CD6: variants seen among roughly 807,000 people sequenced by gnomAD.
The protein encoded by CD6 is T-cell differentiation antigen CD6.
In CD6, 53 loss-of-function variants were observed where a neutral mutation model predicts 75.3. That is an observed-to-expected ratio of 0.70 (90% CI 0.56 to 0.88). The LOEUF is 0.88. CD6 is among the 40% of genes least tolerant of loss of function. The pLI is 0.00. For synonymous variants in CD6, 359 were observed against 381.5 expected, an observed-to-expected ratio of 0.94 and a Z score of 0.69; for missense variants, 770 against 897.1, an observed-to-expected ratio of 0.86 and a Z score of 1.81.
Position 61,008,555 on chromosome 11 carries a change from T to G in CD6, c.491T>G (p.Val164Gly), listed in dbSNP as rs1487562650. ...CTAGAGAACCGCGCGCTGCGCCTGG[T>G]GGACGGTGGCGGCGCCTGCGCCGGC... is the stretch of plus-strand genomic sequence containing the variant. ...TCAENRALRL[V>G]DGGGACAGRV... The change falls in exon 4 of 13, where the codon GTG (valine) becomes GGG (glycine). Residue 164 changes from valine to glycine, a missense_variant. By Grantham distance (109) the Val-to-Gly change is moderately radical. Coordinates refer to ENST00000313421, the MANE Select transcript of CD6 (RefSeq NM_006725.5). 1 of 1,604,530 alleles carries G rather than the reference T, an allele frequency of 6.2e-7. No individual in the cohort carries two copies. Among genetic ancestry groups the G allele is most frequent in the East Asian group, 2.2e-5 (1 of 44,554 alleles).
Position 61,007,618 on chromosome 11 carries a change from G to A in CD6, c.177G>A (p.Glu59=). The change falls in exon 3 of 13, where the codon GAG becomes GAA. Residue 59 remains glutamate, a synonymous_variant. Transcript: ENST00000313421. This position sits in a 1 kb window ranked among gnomAD's most constrained non-coding sequence, Gnocchi z 4.2. ...NGSSSCSGTV[E]VRLEASWEPA... ...GCAGCAGCTGCAGCGGGACGGTGGA[G>A]GTGCGGCTCGAGGCGTCCTGGGAGC... is the stretch of plus-strand genomic sequence containing the variant. The A allele has an allele frequency of 6.7e-7, 1 of 1,494,144 alleles. No individual in the cohort carries two copies. Among genetic ancestry groups the A allele is most frequent in the South Asian group, 1.3e-5 (1 of 78,516 alleles). The allele number at this position is 1,494,144 out of a possible 1,614,324, so 92.6% of individuals were successfully genotyped here. A position where few individuals can be genotyped will look rare whatever the true frequency, so the allele number is the denominator to read the frequency against.
intron 1 of CD6, among the ~76,000 whole-genome samples, chr11:60,983,609 AC>A (rs920814862): frequency 6.5e-4 from 98 of 150,384 alleles, no homozygotes; most frequent in African/African-American, 2.3e-3. Context: ...TCTCCTAAAT[AC>A]CCCAACGTGT....
intron 1 of CD6, among the ~76,000 whole-genome samples, chr11:61,005,267 G>T (rs79922146): frequency 0.017 from 2,566 of 152,314 alleles, 81 homozygotes; most frequent in African/African-American, 0.058. Context: ...CCAGGGAGTG[G>T]TCAGTGAGTC....
chr11:61,007,540 C>A lies in CD6; in HGVS notation c.119-20C>A, dbSNP rs1254429587. ...TGCCCAGGCCCCACCGGTCTCAGCT[C>A]TCTGGTCTGACACTTCCAGGGGAGC... On this transcript the variant is annotated intron_variant, in intron 2 of 12. Coordinates refer to ENST00000313421, the MANE Select transcript of CD6 (RefSeq NM_006725.5). The surrounding 1 kb of genome is among the most constrained non-coding windows in gnomAD (Gnocchi z 4.2). The A allele has an allele frequency of 1.4e-6, 2 of 1,456,346 alleles. No individual in the cohort carries two copies. The highest frequency in any genetic ancestry group is 1.8e-6 in the Non-Finnish European group (2 of 1,103,340). 90.2% of individuals were successfully genotyped at this position (1,456,346 alleles called of 1,614,324 possible). A position where few individuals can be genotyped will look rare whatever the true frequency, so the allele number is the denominator to read the frequency against.
chr11:61,009,358 G>A (rs1035471580), intron 4 of CD6, among the ~76,000 whole-genome samples: 3 of 152,226 alleles, frequency 2.0e-5, no homozygotes, highest in Non-Finnish European at 4.4e-5. Context: ...CCCAGGCAAT[G>A]CCGATGCTGC....
In CD6 at chr11:61,007,651, C is replaced by CG; in HGVS notation, c.214dup (p.Ala72GlyfsTer32). On this transcript the variant is annotated frameshift_variant, in exon 3 of 13. Coordinates refer to ENST00000313421, the MANE Select transcript of CD6 (RefSeq NM_006725.5). LOFTEE classifies it high-confidence loss of function. This position sits in a 1 kb window ranked among gnomAD's most constrained non-coding sequence, Gnocchi z 4.2. ...TCGAGGCGTCCTGGGAGCCCGCGTG[C>CG]GGGGCGCTCTGGGACAGCCGCGCCG... is the stretch of plus-strand genomic sequence containing the variant. 2 of 1,462,268 alleles carry CG rather than the reference C, an allele frequency of 1.4e-6. No homozygotes were observed. The highest frequency in any genetic ancestry group is 1.8e-6 in the Non-Finnish European group (2 of 1,106,550). 90.6% of individuals were successfully genotyped at this position (1,462,268 alleles called of 1,614,324 possible). A position where few individuals can be genotyped will look rare whatever the true frequency, so the allele number is the denominator to read the frequency against.
At chr11:61,011,178 CGT>C (rs10528068) in intron 6 of CD6, 43 bp downstream of exon 6, 14,391 of 892,122 alleles carry the variant, frequency 0.016, 1 homozygote, top group Non-Finnish European at 0.021. Context: ...GAAGCTTGGA[CGT>C]GTGTGTGTGT....
chr11:61,009,048 G>A (rs2135171508), intron 4 of CD6, among the ~76,000 whole-genome samples: 1 of 152,356 alleles, frequency 6.6e-6, no homozygotes, highest in East Asian at 1.9e-4. Context: ...GTGGAGTCTA[G>A]AGGCAGCAGA....
Position 61,019,545 on chromosome 11 carries a change from G to C in CD6, c.*227G>C. The stretch of plus-strand genomic sequence containing the variant: ...GGCCCCAGATAGCAGCCCCAGGGAG[G>C]ATGCTGCCTCCAAGAGGTGTGAGCC... On this transcript the variant is annotated 3_prime_UTR_variant, in exon 13 of 13. Coordinates refer to ENST00000313421, the MANE Select transcript of CD6 (RefSeq NM_006725.5). The C allele has an allele frequency of 2.3e-6, 1 of 430,136 alleles. No homozygotes were observed. The highest frequency in any genetic ancestry group is 4.1e-6 in the Non-Finnish European group (1 of 242,364). The allele number at this position is 430,136 out of a possible 1,614,324, so 26.6% of individuals were successfully genotyped here.
At chr11:61,018,251 T>C (rs59258857) in intron 11 of CD6, 38 bp from the exon 12 acceptor site, 261,218 of 1,505,156 alleles carry the variant, frequency 0.17, 25,080 homozygotes, top group African/African-American at 0.39. Flanking sequence ...GAAGTGGCTG[T>C]GTGCTGGCAG....
intron 9 of CD6, among the ~76,000 whole-genome samples, chr11:61,016,194 C>T (rs1265854063): frequency 2.0e-5 from 3 of 152,118 alleles, no homozygotes; most frequent in African/African-American, 7.2e-5. Flanking sequence ...TTCTCGCATG[C>T]CATATCCCTC....
intron 1 of CD6, among the ~76,000 whole-genome samples, chr11:60,973,181 C>A (rs2905686): frequency 0.75 from 113,634 of 152,096 alleles, 45,527 homozygotes; most frequent in East Asian, 0.91. Flanking sequence ...AGCTTCCCAG[C>A]AGGAATGAGG....
Position 61,008,723 on chromosome 11 carries a change from G to A in CD6, c.659G>A (p.Arg220His), listed in dbSNP as rs766624887. The change falls in exon 4 of 13, where the codon CGC becomes CAC. Residue 220 changes from arginine to histidine, a missense_variant. Physicochemically the swap from Arg to His is conservative, Grantham distance 29 (BLOSUM62 0). Transcript: ENST00000313421. The stretch of plus-strand genomic sequence containing the variant: ...CCCGGCTTGCACTTCACGCCCGGCC[G>A]CGGGCCTATCCACCGGGACCAGGTG... ...ALPGLHFTPGRGPIHRDQVNC... is the reference protein window; with the variant it reads ...ALPGLHFTPGHGPIHRDQVNC... The A allele has an allele frequency of 1.9e-6, 3 of 1,608,442 alleles. No homozygotes were observed. The highest frequency in any genetic ancestry group is 2.2e-5 in the South Asian group (2 of 90,478).
chr11:61,016,507 G>A (rs1859412067), intron 9 of CD6, among the ~76,000 whole-genome samples: 1 of 152,238 alleles, frequency 6.6e-6, no homozygotes, highest in African/African-American at 2.4e-5. Flanking sequence ...AAATGACAGT[G>A]TCTTGAGAGG....
At chr11:61,004,058 C>T (rs1858725831) in intron 1 of CD6, among the ~76,000 whole-genome samples, 1 of 152,310 alleles carries the variant, frequency 6.6e-6, no homozygotes, top group East Asian at 1.9e-4. Flanking sequence ...GGGCCCTGCC[C>T]TCTAGGGTTT....
chr11:60,977,633 T>C (rs748923328), intron 1 of CD6, among the ~76,000 whole-genome samples: 17 of 152,054 alleles, frequency 1.1e-4, no homozygotes, highest in Non-Finnish European at 2.2e-4. Context: ...CTCCTTTTTC[T>C]TTCTTTCTTT....
intron 1 of CD6, among the ~76,000 whole-genome samples, chr11:61,000,978 C>T (rs984044275): frequency 5.9e-5 from 9 of 152,092 alleles, no homozygotes; most frequent in African/African-American, 2.2e-4. Context: ...CTGAAACCAG[C>T]CGCTCCCCTC....
intron 1 of CD6, among the ~76,000 whole-genome samples, chr11:60,995,081 C>T (rs1184474338): frequency 6.6e-6 from 1 of 152,182 alleles, no homozygotes; most frequent in Non-Finnish European, 1.5e-5. Context: ...ACATTTATCC[C>T]CTCCCAATTG....
At chr11:61,018,518 GGA>G in intron 12 of CD6, 125 bp downstream of exon 12, 32 of 759,304 alleles carry the variant, frequency 4.2e-5, no homozygotes, top group Non-Finnish European at 5.7e-5. Context: ...AAGAAGAGAG[GGA>G]AAGTAACTTT....
Sources: allele counts gnomAD v4.1 joint callset (sites outside exome capture counted in the v4.1 genomes callset), GRCh38; gene constraint gnomAD v4.1.1; non-coding constraint Gnocchi (gnomAD v3.1); transcripts MANE v1.5; gene names NCBI Gene and HGNC (gene_info 2026-07-23, HGNC 2026-07-21).